NHS: variants seen among roughly 807,000 people sequenced by gnomAD.
The protein encoded by NHS is actin remodeling regulator NHS.
NHS carries 5 observed loss-of-function variants against 72.5 expected under a neutral mutation model. The ratio of observed to expected loss-of-function variants is 0.07; its 90% CI spans 0.04 to 0.14. The LOEUF (loss-of-function observed/expected upper bound fraction) is 0.14, where lower values mean the gene tolerates loss of function less well. Among genes scored for constraint, NHS ranks in the 10% least tolerant of loss-of-function variants. NHS has a pLI of 1.00. For missense variants in NHS, 1,072 were observed against 1,355.7 expected, an observed-to-expected ratio of 0.79 and a Z score of 3.29; for synonymous variants, 464 against 547.7, an observed-to-expected ratio of 0.85 and a Z score of 2.13.
At chrX:17,609,171 C>T (rs773710038) in intron 1 of NHS, among the ~76,000 whole-genome samples, 40 of 111,948 alleles carry the variant, frequency 3.6e-4, no homozygotes, top group Middle Eastern at 4.6e-3. Flanking sequence ...TATTTAATGC[C>T]AAATTGAGTC....
intron 1 of NHS, among the ~76,000 whole-genome samples, chrX:17,584,498 G>A (rs1569287731): frequency 8.9e-6 from 1 of 112,163 alleles, no homozygotes; most frequent in Non-Finnish European, 1.9e-5. Context: ...TTTTGCAAAA[G>A]GCGGTGGCAT....
chrX:17,618,193 G>A (rs776954718), intron 1 of NHS, among the ~76,000 whole-genome samples: 10 of 111,750 alleles, frequency 8.9e-5, no homozygotes, highest in African/African-American at 3.2e-4. Flanking sequence ...TCTGTTTTTT[G>A]GCTTTGTTTA....
chrX:17,420,751 A>T (rs1209899685), intron 1 of NHS, among the ~76,000 whole-genome samples: 1 of 112,071 alleles, frequency 8.9e-6, no homozygotes, highest in Non-Finnish European at 1.9e-5. Context: ...AATATTTGTA[A>T]ATATTTTGAA....
chrX:17,593,491 A>T (rs2146991187), intron 1 of NHS, among the ~76,000 whole-genome samples: 1 of 110,930 alleles, frequency 9.0e-6, no homozygotes, highest in Non-Finnish European at 1.9e-5. Flanking sequence ...ATTTCTTAGA[A>T]CTTGGTAGTT....
At chrX:17,431,493 A>C (rs769172849) in intron 1 of NHS, among the ~76,000 whole-genome samples, 7 of 110,982 alleles carry the variant, frequency 6.3e-5, no homozygotes, top group South Asian at 3.9e-4. Context: ...TTAGTTGCAT[A>C]GTCTGTTATT....
chrX:17,615,195 CAT>C (rs1166425858), intron 1 of NHS, among the ~76,000 whole-genome samples: 3 of 81,233 alleles, frequency 3.7e-5, no homozygotes, highest in Non-Finnish European at 6.3e-5. Context: ...TATATATACA[CAT>C]ATATACGTAT....
intron 1 of NHS, among the ~76,000 whole-genome samples, chrX:17,387,557 G>T (rs1474811065): frequency 8.9e-6 from 1 of 111,920 alleles, no homozygotes; most frequent in Non-Finnish European, 1.9e-5. Context: ...CTTGTTCTCT[G>T]TTCCTTAAGG....
At chrX:17,494,950 A>G (rs1343332101) in intron 1 of NHS, among the ~76,000 whole-genome samples, 1 of 112,362 alleles carries the variant, frequency 8.9e-6, no homozygotes, top group Non-Finnish European at 1.9e-5. Flanking sequence ...CCATGGACCA[A>G]CAAGGTTGGG....
chrX:17,415,290 T>G (rs2064587413), intron 1 of NHS, among the ~76,000 whole-genome samples: 1 of 111,483 alleles, frequency 9.0e-6, no homozygotes, highest in African/African-American at 3.3e-5. Flanking sequence ...GGGGAATGAA[T>G]CAATCCTCTG....
intron 1 of NHS, among the ~76,000 whole-genome samples, chrX:17,506,527 T>TAACA (rs2065059247): frequency 1.0e-5 from 1 of 98,185 alleles, no homozygotes; most frequent in Non-Finnish European, 2.0e-5. Flanking sequence ...TGAGACTCTG[T>TAACA]AATAAATAAA....
chrX:17,595,632 T>A (rs1220538903), intron 1 of NHS, among the ~76,000 whole-genome samples: 1 of 112,060 alleles, frequency 8.9e-6, no homozygotes, highest in Non-Finnish European at 1.9e-5. Context: ...TGAAAACTGG[T>A]TATGACTCTA....
chrX:17,505,058 AATCT>A (rs1569268669), intron 1 of NHS, among the ~76,000 whole-genome samples: 1 of 110,863 alleles, frequency 9.0e-6, no homozygotes, highest in African/African-American at 3.3e-5. Context: ...AATGTAAATA[AATCT>A]ATCTCATACT....
chrX:17,428,037 A>C (rs780934830), intron 1 of NHS, among the ~76,000 whole-genome samples: 1 of 112,011 alleles, frequency 8.9e-6, no homozygotes, highest in South Asian at 3.8e-4. Flanking sequence ...GGTGATTCAC[A>C]TGCACATTTA....
intron 1 of NHS, among the ~76,000 whole-genome samples, chrX:17,440,025 T>G (rs2064744386): frequency 9.1e-6 from 1 of 110,471 alleles, no homozygotes; most frequent in Non-Finnish European, 1.9e-5. Flanking sequence ...TTTGGGAGGC[T>G]GAGGCAGGTG....
intron 1 of NHS, among the ~76,000 whole-genome samples, chrX:17,610,074 A>C (rs1043946104): frequency 3.6e-5 from 4 of 111,982 alleles, no homozygotes; most frequent in African/African-American, 1.3e-4. Flanking sequence ...GTTCTTTCTG[A>C]GTTGTTAATG....
intron 1 of NHS, among the ~76,000 whole-genome samples, chrX:17,420,865 T>C (rs1432166594): frequency 9.0e-6 from 1 of 111,557 alleles, no homozygotes; most frequent in East Asian, 2.8e-4. Flanking sequence ...TAAGTTCTCC[T>C]TTGGCAACTG....
chrX:17,392,801 A>ACTG (rs2064451893), intron 1 of NHS, among the ~76,000 whole-genome samples: 1 of 111,991 alleles, frequency 8.9e-6, no homozygotes, highest in South Asian at 3.7e-4. Context: ...CAGATTTAAA[A>ACTG]CTAGTACCTG....
chrX:17,498,498 T>G (rs961790627), intron 1 of NHS, among the ~76,000 whole-genome samples: 1 of 112,092 alleles, frequency 8.9e-6, no homozygotes, highest in African/African-American at 3.2e-5. Context: ...GGTGTTGCAG[T>G]CAAGAGGTTG....
intron 1 of NHS, among the ~76,000 whole-genome samples, chrX:17,642,971 T>C (rs1313361772): frequency 8.9e-6 from 1 of 112,182 alleles, no homozygotes; most frequent in Non-Finnish European, 1.9e-5. Flanking sequence ...TGAGAGGGGC[T>C]TGTCCATTGA....
Sources: gnomAD v4.1 joint callset for allele counts (sites outside exome capture counted in the v4.1 genomes callset) on GRCh38, gnomAD v4.1.1 for gene constraint, MANE v1.5 for transcripts, NCBI Gene and HGNC (gene_info 2026-07-23, HGNC 2026-07-21) for gene names.